Variants in MPRIP observed in about 807,000 individuals in gnomAD.
MPRIP encodes myosin phosphatase Rho interacting protein.
Under a neutral mutation model 234.9 loss-of-function variants are expected in MPRIP, and 59 were observed. That is an observed-to-expected ratio of 0.25 (90% confidence interval 0.20 to 0.31). The LOEUF (loss-of-function observed/expected upper bound fraction) is 0.31. MPRIP is among the 10% of genes least tolerant of loss of function. The pLI is 1.00. For synonymous variants in MPRIP, 1,144 were observed against 1,263.9 expected, an observed-to-expected ratio of 0.91 and a Z score of 2.01; for missense variants, 2,436 against 3,071.0, an observed-to-expected ratio of 0.79 and a Z score of 4.89.
rs2030201120 is a variant in MPRIP at position 17,078,137 on chromosome 17, G to A, written c.267+61G>A. On this transcript the variant is annotated intron_variant, in intron 3 of 23. Coordinates refer to ENST00000651222, the MANE Select transcript of MPRIP (RefSeq NM_001364716.4). This position sits in a 1 kb window ranked among gnomAD's most constrained non-coding sequence, Gnocchi z 4.3. ...CTTCACCAAGTCCCTCCATTACAGT[G>A]CCCTTGCGTTGTCATGTGAGAGCAC... 4 of 1,547,744 alleles carry A rather than the reference G, an allele frequency of 2.6e-6. No homozygotes were observed. The highest frequency in any genetic ancestry group is 3.6e-6 in the Non-Finnish European group (4 of 1,121,286).
In MPRIP at chr17:17,150,177, G is replaced by T; in HGVS notation, c.1663G>T (p.Ala555Ser). Reference protein sequence around the residue: ...ADLDGEIDLSACYDVTEYPVQ... With the variant: ...ADLDGEIDLSSCYDVTEYPVQ... ...CTTGGATGGAGAAATTGACTTGTCC[G>T]CATGTTACGATGTCACAGAGTATCC... Residue 555 changes from alanine (A) to serine (S), a missense_variant, in exon 12 of 24, where the codon GCA becomes TCA. By Grantham distance (99) the Ala-to-Ser change is moderately conservative. Transcript: ENST00000651222. 1.2e-6 allele frequency: 2 copies of T among 1,613,570 alleles called. No homozygotes were observed. The highest frequency in any genetic ancestry group is 1.7e-6 in the Non-Finnish European group (2 of 1,179,738).
In MPRIP at chr17:17,165,724, C is replaced by T; in HGVS notation, c.4133C>T (p.Thr1378Met). 3.8e-6 allele frequency: 5 copies of T among 1,304,984 alleles called. No homozygotes were observed. The highest frequency in any genetic ancestry group is 5.1e-6 in the Non-Finnish European group (5 of 988,996). 80.8% of individuals were successfully genotyped at this position (1,304,984 alleles called of 1,614,324 possible). A position where few individuals can be genotyped will look rare whatever the true frequency, so the allele number is the denominator to read the frequency against. ...CTGCCTGCAACTGGCGACTCTGACA[C>T]GTACCTCTCCATCATCCACTCCCTG... ...SVLPATGDSD[T>M]YLSIIHSLET... Residue 1378 changes from threonine to methionine, a missense_variant, in exon 16 of 24, where the codon ACG becomes ATG. Thr to Met is a moderately conservative substitution (Grantham distance 81). Around this residue, in one of 4 missense-constraint regions of MPRIP, gnomAD observed 1,998 missense variants for 2,520.3 expected, o/e 0.79. Coordinates refer to ENST00000651222, the MANE Select transcript of MPRIP (RefSeq NM_001364716.4).
chr17:17,091,691 T>G (rs2089722191), intron 3 of MPRIP, among the ~76,000 whole-genome samples: 1 of 151,986 alleles, frequency 6.6e-6, no homozygotes, highest in Non-Finnish European at 1.5e-5. Flanking sequence ...GCAGGGTTGG[T>G]GCGGCTCTCC....
chr17:17,180,577 G>A (rs1188313104), intron 23 of MPRIP: 1 of 1,600,660 alleles, frequency 6.2e-7, no homozygotes, highest in African/African-American at 1.3e-5. Flanking sequence ...GATTGGTTGT[G>A]TGTCTCATGT....
intron 14 of MPRIP, among the ~76,000 whole-genome samples, chr17:17,159,443 T>C (rs1346952959): frequency 6.6e-6 from 1 of 152,190 alleles, no homozygotes; most frequent in East Asian, 1.9e-4. Flanking sequence ...GCCGATCAGA[T>C]CTGAAGCCAG....
chr17:17,156,978 T>C (rs546362321), intron 13 of MPRIP, among the ~76,000 whole-genome samples: 3 of 152,282 alleles, frequency 2.0e-5, no homozygotes, highest in South Asian at 2.1e-4. Flanking sequence ...TTGGCCCTAA[T>C]TGAAACACAT....
At chr17:17,045,930 C>T (rs925527221) in intron 1 of MPRIP, among the ~76,000 whole-genome samples, 2 of 152,044 alleles carry the variant, frequency 1.3e-5, no homozygotes, top group South Asian at 2.1e-4. Context: ...CTCAGCCTCC[C>T]GAGTAGCTGG....
Position 17,108,732 on chromosome 17 carries a change from T to C in MPRIP, c.268-17970T>C, listed in dbSNP as rs898449110. Among the ~76,000 whole-genome samples the C allele has an allele frequency of 5.9e-5, 9 of 152,314 alleles. No homozygotes were observed. In the South Asian group the frequency reaches 6.2e-4, roughly 11 times the overall value. The stretch of plus-strand genomic sequence containing the variant: ...TGGGGGTGGGGCCGGGTGAATGTTA[T>C]GGGCCTCACAGCTGCATTGCTTTCA... On this transcript the variant is annotated intron_variant, in intron 3 of 23. Transcript: ENST00000651222.
chr17:17,161,404 G>C (rs2045866110), intron 15 of MPRIP, 48 bp downstream of exon 15: 6 of 1,348,590 alleles, frequency 4.4e-6, no homozygotes, highest in East Asian at 2.4e-5. Context: ...AGGAGCTTCA[G>C]TGTGAAGGGT....
At chr17:17,068,826 G>A (rs567751584) in intron 1 of MPRIP, among the ~76,000 whole-genome samples, 2 of 152,176 alleles carry the variant, frequency 1.3e-5, no homozygotes, top group African/African-American at 2.4e-5. Flanking sequence ...GAGCCACTGC[G>A]CCCAGCCCGA....
chr17:17,180,380 G>A (rs1344273860), intron 23 of MPRIP, among the ~76,000 whole-genome samples: 1 of 152,220 alleles, frequency 6.6e-6, no homozygotes, highest in East Asian at 1.9e-4. Flanking sequence ...GCTCATGTCG[G>A]CCTGCTGTCA....
At chr17:17,144,049 C>T (rs1467768629) in intron 9 of MPRIP, among the ~76,000 whole-genome samples, 1 of 152,224 alleles carries the variant, frequency 6.6e-6, no homozygotes, top group African/African-American at 2.4e-5. Flanking sequence ...TGGAGCTTGT[C>T]TCGTTCTCCG....
chr17:17,114,273 T>G (rs1352474374), intron 3 of MPRIP, among the ~76,000 whole-genome samples: 1 of 152,194 alleles, frequency 6.6e-6, no homozygotes, highest in Non-Finnish European at 1.5e-5. Flanking sequence ...TTTAATTGTT[T>G]TTTGTTGTTG....
chr17:17,155,621 C>G (rs966550364), intron 13 of MPRIP, among the ~76,000 whole-genome samples: 1 of 152,242 alleles, frequency 6.6e-6, no homozygotes, highest in African/African-American at 2.4e-5. Flanking sequence ...GGAAAGAACT[C>G]CTAAATTGAT....
chr17:17,164,381 G>C lies in MPRIP; in HGVS notation c.2790G>C (p.Glu930Asp). 1 of 1,293,768 alleles carries C rather than the reference G, an allele frequency of 7.7e-7. No individual in the cohort carries two copies. Among genetic ancestry groups the C allele is most frequent in the South Asian group, 1.2e-5 (1 of 80,894 alleles). The allele number at this position is 1,293,768 out of a possible 1,614,324, so 80.1% of individuals were successfully genotyped here. A position where few individuals can be genotyped will look rare whatever the true frequency, so the allele number is the denominator to read the frequency against. ...LAKLKGDLKR[E>D]QGRVREQLEE... ...AGCTCAAGGGCGACCTGAAGCGGGAGCAGGGCCGGGTCCGCGAGCAGCTGG... is the reference window on the plus strand; with the variant it reads ...AGCTCAAGGGCGACCTGAAGCGGGACCAGGGCCGGGTCCGCGAGCAGCTGG... Residue 930 changes from glutamate to aspartate, a missense_variant, in exon 16 of 24, where the codon GAG (glutamate) becomes GAC (aspartate). Physicochemically the swap from Glu to Asp is conservative, Grantham distance 45 (BLOSUM62 2). Transcript: ENST00000651222.
intron 13 of MPRIP, among the ~76,000 whole-genome samples, chr17:17,156,138 C>T (rs988599630): frequency 3.9e-5 from 6 of 152,236 alleles, no homozygotes; most frequent in Admixed American, 3.3e-4. Flanking sequence ...ATTGGCAATC[C>T]TGTCTGGAAG....
At chr17:17,064,890 G>T (rs1180936156) in intron 1 of MPRIP, among the ~76,000 whole-genome samples, 1 of 152,162 alleles carries the variant, frequency 6.6e-6, no homozygotes, top group Non-Finnish European at 1.5e-5. Context: ...CAGTTCCTAG[G>T]TTGTAGGTAG....
rs1175840923 is a variant in MPRIP at position 17,166,655 on chromosome 17, G to T, written c.5064G>T (p.Gln1688His). ...SVRESFHRRL[Q>H]SIQETLRGTQ... ...GGGAGTCGTTCCACCGCAGGCTACA[G>T]AGCATCCAGGAGACCCTGCGGGGCA... Residue 1688 changes from glutamine (Q) to histidine (H), a missense_variant, in exon 16 of 24, where the codon CAG (glutamine) becomes CAT (histidine). By Grantham distance (24) the Gln-to-His change is conservative. Transcript: ENST00000651222. The surrounding 1 kb of genome is among the most constrained non-coding windows in gnomAD (Gnocchi z 4.4). 3.8e-6 allele frequency: 5 copies of T among 1,304,018 alleles called. No individual in the cohort carries two copies. Among genetic ancestry groups the T allele is most frequent in the Non-Finnish European group, 5.1e-6 (5 of 988,972 alleles). The allele number at this position is 1,304,018 out of a possible 1,614,324, so 80.8% of individuals were successfully genotyped here.
At chr17:17,043,006 C>T (rs1173501417) in intron 1 of MPRIP, 35 bp downstream of exon 1, 18 of 1,596,752 alleles carry the variant, frequency 1.1e-5, no homozygotes, top group East Asian at 9.1e-5. Context: ...CACCTCCGTT[C>T]TGGGAGCCGC....
Sources: allele counts gnomAD v4.1 joint callset (sites outside exome capture counted in the v4.1 genomes callset), GRCh38; gene constraint gnomAD v4.1.1; regional missense constraint gnomAD v4.1.1; non-coding constraint Gnocchi (gnomAD v3.1); transcripts MANE v1.5; gene names NCBI Gene and HGNC (gene_info 2026-07-23, HGNC 2026-07-21).